MMP28: variants seen among roughly 807,000 people sequenced by gnomAD.
MMP28 encodes matrix metallopeptidase 28, also known as matrix metalloproteinase-28.
MMP28 carries 55 observed loss-of-function variants against 60.5 expected under a neutral mutation model. The observed-to-expected ratio is 0.91, with a 90% confidence interval of 0.73 to 1.14. The LOEUF is 1.14. Among genes scored for constraint, MMP28 ranks in the 50% most tolerant of loss-of-function variants. The pLI is 0.00. For synonymous variants in MMP28, 318 were observed against 312.5 expected (o/e 1.02, Z -0.18); for missense variants, 686 against 738.3 (o/e 0.93, Z 0.82).
chr17:35,758,684 T>C (rs782135956), intron 2 of MMP28, among the ~76,000 whole-genome samples: 13 of 151,894 alleles, frequency 8.6e-5, no homozygotes, highest in Non-Finnish European at 1.6e-4. Context: ...AAAGCAAGAC[T>C]CTATCTCAAA....
downstream of MMP28, chr17:35,764,660 G>A: frequency 6.6e-7 from 1 of 1,524,660 alleles, no homozygotes; most frequent in South Asian, 1.3e-5. Context: ...TCATTTCCTG[G>A]CCCCAGACCC....
At chr17:35,777,177 C>G (rs762890175) in intron 3 of MMP28, among the ~76,000 whole-genome samples, 1 of 152,234 alleles carries the variant, frequency 6.6e-6, no homozygotes, top group Non-Finnish European at 1.5e-5. Flanking sequence ...GAAAAGTGAC[C>G]TGGCCCAGGC....
intron 1 of MMP28, among the ~76,000 whole-genome samples, chr17:35,793,723 C>A (rs373230536): frequency 6.6e-6 from 1 of 152,120 alleles, no homozygotes. Context: ...AAGCTCTCAA[C>A]GGGCAGTTTG....
chr17:35,772,167 T>C (rs1034179606), intron 4 of MMP28, among the ~76,000 whole-genome samples: 1 of 152,262 alleles, frequency 6.6e-6, no homozygotes, highest in Admixed American at 6.5e-5. Flanking sequence ...TCAAGCATTG[T>C]TCACTCTATT....
intron 3 of MMP28, among the ~76,000 whole-genome samples, chr17:35,775,063 C>T (rs1555607269): frequency 6.6e-6 from 1 of 152,144 alleles, no homozygotes; most frequent in East Asian, 1.9e-4. Context: ...GGGTGGCGGG[C>T]AGTTTTCTCA....
At chr17:35,764,716 T>C (rs956720181), downstream of MMP28, 2 of 1,325,462 alleles carry the variant, frequency 1.5e-6, no homozygotes, top group African/African-American at 1.6e-5. Context: ...TTCGACGCAT[T>C]CCGCAGGACC....
At chr17:35,794,233 T>C (rs560910535) in intron 1 of MMP28, among the ~76,000 whole-genome samples, 6 of 151,090 alleles carry the variant, frequency 4.0e-5, no homozygotes, top group Middle Eastern at 6.9e-3. Flanking sequence ...TACTGTTGTG[T>C]TATTACAACC....
At chr17:35,780,696 G>T (rs1270844520) in intron 1 of MMP28, among the ~76,000 whole-genome samples, 1 of 151,996 alleles carries the variant, frequency 6.6e-6, no homozygotes, top group African/African-American at 2.4e-5. Flanking sequence ...TTAGCTGGGC[G>T]TGGTGGTGGG....
chr17:35,764,447 G>A, downstream of MMP28: 1 of 1,553,320 alleles, frequency 6.4e-7, no homozygotes, highest in Admixed American at 1.9e-5. Context: ...TCCCGGAGGA[G>A]CCGTGCGTGC....
At position 35,765,955 on chromosome 17, in the gene MMP28, T is replaced by C; in HGVS notation, c.*545A>G. ...ACTGGTAGGCCTGCATCAGTCTCCCTCCCACTCTGTGTCCTGACCCCACAA... is the reference window on the plus strand; with the variant it reads ...ACTGGTAGGCCTGCATCAGTCTCCCCCCCACTCTGTGTCCTGACCCCACAA... On this transcript the variant is annotated 3_prime_UTR_variant, in exon 8 of 8. Transcript: ENST00000605424. The C allele has an allele frequency of 2.0e-6, 2 of 985,388 alleles. No individual in the cohort carries two copies. The highest frequency in any genetic ancestry group is 2.4e-6 in the Non-Finnish European group (2 of 829,916). The allele number at this position is 985,388 out of a possible 1,614,324, so 61.0% of individuals were successfully genotyped here.
At chr17:35,794,859 G>A (rs1425820196) in intron 1 of MMP28, among the ~76,000 whole-genome samples, 3 of 152,168 alleles carry the variant, frequency 2.0e-5, no homozygotes, top group Non-Finnish European at 2.9e-5. Flanking sequence ...GCTGTGTCCC[G>A]CGTCCCGGCC....
intron 3 of MMP28, among the ~76,000 whole-genome samples, chr17:35,774,764 A>T (rs1013481806): frequency 7.2e-5 from 11 of 152,162 alleles, no homozygotes; most frequent in African/African-American, 2.7e-4. Context: ...CCAACCCTTA[A>T]CGAGGAGAGA....
At chr17:35,764,252 C>T (rs587651311), downstream of MMP28, 1 of 1,540,208 alleles carries the variant, frequency 6.5e-7, no homozygotes, top group South Asian at 1.2e-5. Flanking sequence ...GCTGCTGCGG[C>T]GCGCGGACAG....
chr17:35,766,753 C>G lies in MMP28; in HGVS notation c.1310G>C (p.Arg437Pro), dbSNP rs774249689. ...LRRLILFKGA[R>P]YYVLARGGLQ... ...TCCCCCTCGGGCCAGCACGTAGTAGCGGGCACCCTTGAAGAGGATGAGGCG... is the reference window on the plus strand; with the variant it reads ...TCCCCCTCGGGCCAGCACGTAGTAGGGGGCACCCTTGAAGAGGATGAGGCG... Residue 437 changes from arginine to proline, a missense_variant, in exon 8 of 8, where the codon CGC becomes CCC. Coordinates refer to ENST00000605424, the MANE Select transcript of MMP28 (RefSeq NM_024302.5). The surrounding 1 kb of genome is among the most constrained non-coding windows in gnomAD (Gnocchi z 4.3). The G allele has an allele frequency of 3.8e-6, 6 of 1,584,440 alleles. No homozygotes were observed. The African/African-American group carries it at 5.4e-5, about 14-fold the overall frequency.
At chr17:35,777,400 G>C (rs969885562) in intron 3 of MMP28, among the ~76,000 whole-genome samples, 5 of 152,220 alleles carry the variant, frequency 3.3e-5, no homozygotes, top group African/African-American at 9.6e-5. Context: ...TACCAGGAAA[G>C]CAAGCAGTCA....
intron 1 of MMP28, among the ~76,000 whole-genome samples, chr17:35,780,071 T>A (rs539043662): frequency 6.5e-4 from 99 of 152,252 alleles, no homozygotes; most frequent in African/African-American, 1.8e-3. Context: ...TTATTTATTT[T>A]ATTTATTTTT....
chr17:35,771,699 A>T (rs2086149357), intron 4 of MMP28, among the ~76,000 whole-genome samples: 1 of 1,566 alleles, frequency 6.4e-4, no homozygotes, highest in Admixed American at 6.2e-3. Flanking sequence ...AGAAGTGAAT[A>T]TATATATATA....
chr17:35,779,629 A>G (rs867126174), intron 1 of MMP28, among the ~76,000 whole-genome samples: 3 of 152,222 alleles, frequency 2.0e-5, no homozygotes, highest in South Asian at 4.1e-4. Flanking sequence ...GGAATCTAGC[A>G]GCACATGCTA....
At chr17:35,760,841 C>A in intron 2 of MMP28, 1 of 1,427,134 alleles carries the variant, frequency 7.0e-7, no homozygotes, top group South Asian at 1.2e-5. Context: ...CCCTTGTGAC[C>A]TAATAGAGGC....
Sources: allele counts gnomAD v4.1 joint callset (sites outside exome capture counted in the v4.1 genomes callset), GRCh38; gene constraint gnomAD v4.1.1; non-coding constraint Gnocchi (gnomAD v3.1); transcripts MANE v1.5; gene names NCBI Gene and HGNC (gene_info 2026-07-23, HGNC 2026-07-21).